ACO1: variants seen among roughly 807,000 people sequenced by gnomAD.
ACO1 encodes the protein aconitase 1.
In ACO1, 78 loss-of-function variants were observed where a neutral mutation model predicts 105.1. The ratio of observed to expected loss-of-function variants is 0.74; its 90% CI spans 0.62 to 0.90. The LOEUF (loss-of-function observed/expected upper bound fraction) is 0.90, where lower values mean the gene tolerates loss of function less well. Among genes scored for constraint, ACO1 ranks in the 40% least tolerant of loss-of-function variants. The pLI, the probability that ACO1 is intolerant of heterozygous loss-of-function variation, is 0.00. For synonymous variants in ACO1, 364 were observed against 397.4 expected (o/e 0.92, Z 1.00); for missense variants, 965 against 1,111.1 (o/e 0.87, Z 1.87).
At chr9:32,413,340 C>T (rs577271793) in intron 4 of ACO1, among the ~76,000 whole-genome samples, 4 of 152,020 alleles carry the variant, frequency 2.6e-5, no homozygotes, top group Admixed American at 6.6e-5. Flanking sequence ...AAAAATTAGC[C>T]GGGCATGGTG....
intron 17 of ACO1, among the ~76,000 whole-genome samples, chr9:32,435,396 C>A (rs1822333644): frequency 6.6e-6 from 1 of 152,170 alleles, no homozygotes; most frequent in African/African-American, 2.4e-5. Flanking sequence ...GAAAGCAAAT[C>A]TAATGCCTTC....
rs529985830 is a variant in ACO1 at position 32,425,889 on chromosome 9, A to G, written c.1240A>G (p.Thr414Ala). Residue 414 changes from threonine to alanine, a missense_variant, in exon 11 of 21, where the codon ACC (threonine) becomes GCC (alanine). Physicochemically the swap from Thr to Ala is moderately conservative, Grantham distance 58 (BLOSUM62 0). Transcript: ENST00000309951. The stretch of plus-strand genomic sequence containing the variant: ...TCCTGAACATCATAATGACCATAAG[A>G]CCTTTATCTATGATAACACTGAATT... ...VAPEHHNDHK[T>A]FIYDNTEFTL... 13 of 1,613,976 alleles carry G rather than the reference A, an allele frequency of 8.1e-6. No individual in the cohort carries two copies. In the South Asian group the frequency reaches 1.3e-4, roughly 16 times the overall value.
intron 1 of ACO1, among the ~76,000 whole-genome samples, chr9:32,399,964 C>CTTTTTTTTTTTTTTTTT (rs1300474052): frequency 4.7e-5 from 2 of 42,422 alleles, no homozygotes; most frequent in East Asian, 4.9e-4. Flanking sequence ...TTTTCTTTTT[C>CTTTTTTTTTTTTTTTTT]TGTTTTTTTT....
chr9:32,445,924 G>GTGA (rs2118575206), intron 19 of ACO1: 1 of 152,450 alleles, frequency 6.6e-6, no homozygotes, highest in South Asian at 2.1e-4. Flanking sequence ...GTGGTTTTGA[G>GTGA]TGAGTTTCTT....
chr9:32,448,941 A>G lies in ACO1; in HGVS notation c.2416A>G (p.Ser806Gly), dbSNP rs752573064. 2 of 1,614,250 alleles carry G rather than the reference A, an allele frequency of 1.2e-6. No homozygotes were observed. Among genetic ancestry groups the G allele is most frequent in the Non-Finnish European group, 1.7e-6 (2 of 1,180,044 alleles). The part of the protein sequence containing the change: ...LAESYERIHR[S>G]NLVGMGVIPL... ...CGAGAGCTACGAGCGCATTCACCGCAGTAACCTGGTTGGGATGGGTGTGAT... is the reference window on the plus strand; with the variant it reads ...CGAGAGCTACGAGCGCATTCACCGCGGTAACCTGGTTGGGATGGGTGTGAT... The change falls in exon 20 of 21, where the codon AGT (serine) becomes GGT (glycine). Residue 806 changes from serine (S) to glycine (G), a missense_variant. Physicochemically the swap from Ser to Gly is moderately conservative, Grantham distance 56. Coordinates refer to ENST00000309951, the MANE Select transcript of ACO1 (RefSeq NM_002197.3).
At chr9:32,446,241 A>G (rs1391977772) in intron 19 of ACO1, among the ~76,000 whole-genome samples, 1 of 152,156 alleles carries the variant, frequency 6.6e-6, no homozygotes, top group Non-Finnish European at 1.5e-5. Flanking sequence ...GTGGGAGTCT[A>G]AGTCTCTTTG....
intron 16 of ACO1, among the ~76,000 whole-genome samples, 155 bp from the exon 17 acceptor site, chr9:32,434,404 G>A (rs922939709): frequency 6.6e-6 from 1 of 152,112 alleles, no homozygotes; most frequent in East Asian, 1.9e-4. Flanking sequence ...TACTTTTCTT[G>A]GCCTCTTTGA....
chr9:32,450,149 G>T lies in ACO1; in HGVS notation c.*38G>T, dbSNP rs372329950. 1 of 1,539,444 alleles carries T rather than the reference G, an allele frequency of 6.5e-7. No homozygotes were observed. Among genetic ancestry groups the T allele is most frequent in the East Asian group, 2.2e-5 (1 of 44,470 alleles). ...TGGTGCTGCGCCCAGGGAGGAAGCCGCACCACCAGCCAGCGCAGGCCCTGG... is the reference window on the plus strand; with the variant it reads ...TGGTGCTGCGCCCAGGGAGGAAGCCTCACCACCAGCCAGCGCAGGCCCTGG... On this transcript the variant is annotated 3_prime_UTR_variant, in exon 21 of 21. Transcript: ENST00000309951.
chr9:32,402,044 A>G (rs145378941), intron 1 of ACO1, among the ~76,000 whole-genome samples: 1 of 152,316 alleles, frequency 6.6e-6, no homozygotes, highest in African/African-American at 2.4e-5. Context: ...TTGTTTAAGA[A>G]CTGTTCATCT....
Position 32,418,292 on chromosome 9 carries a change from C to T in ACO1, c.475-36C>T, listed in dbSNP as rs545140455. On this transcript the variant is annotated intron_variant, in intron 5 of 20. Coordinates refer to ENST00000309951, the MANE Select transcript of ACO1 (RefSeq NM_002197.3). ...AGATGGGCTGAGTAGAAGTACTTCACGCGTTCATAGTGTTCTTTCCATTTG... is the reference window on the plus strand; with the variant it reads ...AGATGGGCTGAGTAGAAGTACTTCATGCGTTCATAGTGTTCTTTCCATTTG... 1.7e-5 allele frequency: 28 copies of T among 1,612,750 alleles called. No individual in the cohort carries two copies. In the African/African-American group the frequency reaches 2.1e-4, roughly 12 times the overall value.
Position 32,430,524 on chromosome 9 carries a change from C to T in ACO1, c.1676C>T (p.Ala559Val), listed in dbSNP as rs779444546. Residue 559 changes from alanine to valine, a missense_variant, in exon 14 of 21, where the codon GCA becomes GTA. Ala to Val is a moderately conservative substitution (Grantham distance 64, BLOSUM62 0). Transcript: ENST00000309951. ...NYLASPPLVI[A>V]YAIAGTIRID... ...TTAGCCTCTCCCCCCTTAGTAATAG[C>T]ATATGCAATTGCTGGAACCATCAGA... is the stretch of plus-strand genomic sequence containing the variant. 10 of 1,609,990 alleles carry T rather than the reference C, an allele frequency of 6.2e-6. No homozygotes were observed. Among genetic ancestry groups the T allele is most frequent in the South Asian group, 2.2e-5 (2 of 89,926 alleles).
intron 16 of ACO1, among the ~76,000 whole-genome samples, 159 bp downstream of exon 16, chr9:32,433,991 A>G (rs1822298138): frequency 6.6e-6 from 1 of 152,106 alleles, no homozygotes; most frequent in African/African-American, 2.4e-5. Context: ...GGAGGCTGGG[A>G]TATTTGGCTG....
At chr9:32,395,251 G>A (rs1333430705) in intron 1 of ACO1, among the ~76,000 whole-genome samples, 2 of 152,096 alleles carry the variant, frequency 1.3e-5, no homozygotes, top group South Asian at 2.1e-4. Context: ...CGAGATGGGC[G>A]GATCACTTGA....
chr9:32,450,059 A>G lies in ACO1; in HGVS notation c.2618A>G (p.Tyr873Cys), dbSNP rs1203016853. 6.2e-7 allele frequency: 1 copy of G among 1,614,030 alleles called. No individual in the cohort carries two copies. Among genetic ancestry groups the G allele is most frequent in the Non-Finnish European group, 8.5e-7 (1 of 1,180,028 alleles). Residue 873 changes from tyrosine (Y) to cysteine (C), a missense_variant, in exon 21 of 21, where the codon TAT (tyrosine) becomes TGT (cysteine). Tyr to Cys is a radical substitution (Grantham distance 194, BLOSUM62 -2). Coordinates refer to ENST00000309951, the MANE Select transcript of ACO1 (RefSeq NM_002197.3). ...TTTGACACTGATGTGGAGCTCACTT[A>G]TTTCCTCAACGGGGGCATCCTCAAC... ...MRFDTDVELT[Y>C]FLNGGILNYM... is the part of the protein sequence containing the mutation.
intron 1 of ACO1, among the ~76,000 whole-genome samples, chr9:32,388,371 A>C (rs1821197706): frequency 6.6e-6 from 1 of 152,114 alleles, no homozygotes; most frequent in Non-Finnish European, 1.5e-5. Context: ...TCTACCAAAA[A>C]TACAGAAAAA....
At chr9:32,393,037 G>T (rs1259867661) in intron 1 of ACO1, among the ~76,000 whole-genome samples, 1 of 152,138 alleles carries the variant, frequency 6.6e-6, no homozygotes, top group Non-Finnish European at 1.5e-5. Flanking sequence ...TGTGTTAACT[G>T]CACAAATTGT....
In ACO1 at chr9:32,384,651, A is replaced by G. The variant is rs144354424; in HGVS notation, c.-107A>G. On this transcript the variant is annotated 5_prime_UTR_variant, in exon 1 of 21. Transcript: ENST00000309951. ...AGAGGGGGCGGAGCGTGGAGGCGGC[A>G]GCTGGAACCGCGCAGCGCACGGGAA... The G allele has an allele frequency of 6.6e-3, 2,554 of 388,560 alleles. 60 individuals are homozygous for G. The highest frequency in any genetic ancestry group is 0.053 in the African/African-American group (2,388 of 45,360). 24.1% of individuals were successfully genotyped at this position (388,560 alleles called of 1,614,324 possible). A position where few individuals can be genotyped will look rare whatever the true frequency, so the allele number is the denominator to read the frequency against.
chr9:32,411,578 A>T (rs1821740293), intron 4 of ACO1, among the ~76,000 whole-genome samples: 2 of 152,220 alleles, frequency 1.3e-5, no homozygotes, highest in African/African-American at 4.8e-5. Flanking sequence ...AAATGGGCAA[A>T]GGAAAGTGGA....
intron 18 of ACO1, among the ~76,000 whole-genome samples, chr9:32,438,772 T>C (rs990374288): frequency 1.3e-5 from 2 of 152,190 alleles, no homozygotes; most frequent in African/African-American, 2.4e-5. Flanking sequence ...GTCATAATCA[T>C]GCAAACACCA....
Sources: allele counts gnomAD v4.1 joint callset (sites outside exome capture counted in the v4.1 genomes callset), GRCh38; gene constraint gnomAD v4.1.1; transcripts MANE v1.5; gene names NCBI Gene and HGNC (gene_info 2026-07-23, HGNC 2026-07-21).